PDE5A: variants seen among roughly 807,000 people sequenced by gnomAD.
The protein encoded by PDE5A is phosphodiesterase 5A.
In PDE5A, 67 loss-of-function variants were observed where a neutral mutation model predicts 110.2. The ratio of observed to expected loss-of-function variants is 0.61; its 90% CI spans 0.50 to 0.75. PDE5A has a LOEUF of 0.75. PDE5A is among the 30% of genes least tolerant of loss of function. The pLI, the probability that PDE5A is intolerant of heterozygous loss-of-function variation, is 0.00. For synonymous variants in PDE5A, 328 were observed against 351.2 expected, an observed-to-expected ratio of 0.93 and a Z score of 0.74; for missense variants, 862 against 1,045.1, an observed-to-expected ratio of 0.82 and a Z score of 2.42.
chr4:119,608,421 T>C (rs532034531), intron 1 of PDE5A, among the ~76,000 whole-genome samples: 1 of 152,310 alleles, frequency 6.6e-6, no homozygotes, highest in African/African-American at 2.4e-5. Flanking sequence ...CGCTGTAGTC[T>C]TACACCAGTT....
Position 119,542,640 on chromosome 4 carries a change from ACAAT to A in PDE5A, c.1397-10_1397-7del. 1 of 1,609,580 alleles carries A rather than the reference ACAAT, an allele frequency of 6.2e-7. No homozygotes were observed. The highest frequency in any genetic ancestry group is 8.5e-7 in the Non-Finnish European group (1 of 1,176,458). ...ATTAACAAGTTGGCAAACCCCTATA[ACAAT>A]CCGAGAAATTGAGCAAATGTTATTG... is the stretch of plus-strand genomic sequence containing the variant. On this transcript the variant is annotated splice_region_variant and splice_polypyrimidine_tract_variant and intron_variant, in intron 9 of 20. Transcript: ENST00000354960.
At chr4:119,515,780 A>G (rs1725890036) in intron 14 of PDE5A, among the ~76,000 whole-genome samples, 1 of 151,952 alleles carries the variant, frequency 6.6e-6, no homozygotes, top group African/African-American at 2.4e-5. Flanking sequence ...GTGATTTTTC[A>G]GCTTATACTT....
At chr4:119,532,907 G>A (rs776363454) in intron 11 of PDE5A, among the ~76,000 whole-genome samples, 6 of 152,064 alleles carry the variant, frequency 3.9e-5, no homozygotes, top group Non-Finnish European at 8.8e-5. Context: ...GGTCTGAAGC[G>A]TGAAATCTTA....
chr4:119,557,213 GC>G (rs1423801022), intron 7 of PDE5A, among the ~76,000 whole-genome samples: 1 of 152,142 alleles, frequency 6.6e-6, no homozygotes, highest in African/African-American at 2.4e-5. Flanking sequence ...CAGCAGCCTT[GC>G]CAAACCTTCC....
At chr4:119,499,187 C>CATT (rs1467471735) in intron 20 of PDE5A, among the ~76,000 whole-genome samples, 1 of 152,064 alleles carries the variant, frequency 6.6e-6, no homozygotes, top group Non-Finnish European at 1.5e-5. Flanking sequence ...TTTGGTGTGG[C>CATT]ATTATTATGT....
Position 119,532,270 on chromosome 4 carries a change from C to T in PDE5A, c.1633-6575G>A, listed in dbSNP as rs1560604511. ...TAAATGACAGCTATTATTATTATCA[C>T]CAAGAACTAACAGCCTGAAGGGAAA... On this transcript the variant is annotated intron_variant, in intron 11 of 20. Coordinates refer to ENST00000354960, the MANE Select transcript of PDE5A (RefSeq NM_001083.4). Among the ~76,000 whole-genome samples, 4 of 151,912 alleles carry T rather than the reference C, an allele frequency of 2.6e-5. No individual in the cohort carries two copies. The South Asian group carries it at 8.3e-4, about 32-fold the overall frequency.
chr4:119,574,928 C>G (rs918798773), intron 3 of PDE5A, among the ~76,000 whole-genome samples: 12 of 152,102 alleles, frequency 7.9e-5, no homozygotes, highest in African/African-American at 2.9e-4. Flanking sequence ...CAAAACTCAT[C>G]AAATTGTTCA....
At chr4:119,589,226 C>T (rs1024128116) in intron 3 of PDE5A, among the ~76,000 whole-genome samples, 3 of 151,658 alleles carry the variant, frequency 2.0e-5, no homozygotes, top group Non-Finnish European at 4.4e-5. Context: ...TGCTTTCTAC[C>T]CCTTATCCTC....
chr4:119,596,382 A>T (rs1250994715), intron 3 of PDE5A, 141 bp downstream of exon 3: 51 of 458,652 alleles, frequency 1.1e-4, no homozygotes, highest in Non-Finnish European at 1.1e-5. Flanking sequence ...AATAGAAAAA[A>T]AATCAAGCAG....
chr4:119,596,279 G>T (rs1385759246), intron 3 of PDE5A, among the ~76,000 whole-genome samples: 1 of 151,834 alleles, frequency 6.6e-6, no homozygotes, highest in African/African-American at 2.4e-5. Context: ...TCAGGAAGAG[G>T]GGAGGTAGAA....
At chr4:119,602,602 T>C (rs956184083) in intron 2 of PDE5A, among the ~76,000 whole-genome samples, 7 of 152,226 alleles carry the variant, frequency 4.6e-5, no homozygotes, top group Admixed American at 3.3e-4. Context: ...GAGATTTGTC[T>C]AAATTACAAC....
chr4:119,565,470 T>A, intron 4 of PDE5A, 60 bp from the exon 5 acceptor site: 2 of 1,054,512 alleles, frequency 1.9e-6, no homozygotes, highest in African/African-American at 3.2e-5. Flanking sequence ...TTACATTGCC[T>A]GAAATACAGA....
At chr4:119,578,284 T>C (rs534594677) in intron 3 of PDE5A, among the ~76,000 whole-genome samples, 1 of 152,260 alleles carries the variant, frequency 6.6e-6, no homozygotes, top group South Asian at 2.1e-4. Context: ...ACAGATTCAA[T>C]GCCATCCCCA....
At chr4:119,554,138 C>A (rs890308291) in intron 7 of PDE5A, among the ~76,000 whole-genome samples, 4 of 152,018 alleles carry the variant, frequency 2.6e-5, no homozygotes, top group African/African-American at 9.6e-5. Flanking sequence ...TCTATCCATT[C>A]CAATAAAACA....
Position 119,513,792 on chromosome 4 carries a change from A to G in PDE5A, c.2001-2658T>C, listed in dbSNP as rs115801317. On this transcript the variant is annotated intron_variant, in intron 14 of 20. Transcript: ENST00000354960. ...ATTAGGTGGTTATTTAACACAAACA[A>G]GTTAGAACTTCAAACACACATTACA... 5.8e-3 allele frequency among the ~76,000 whole-genome samples: 880 copies of G among 152,324 alleles called. 8 individuals carry two copies. Among genetic ancestry groups the G allele is most frequent in the African/African-American group, 0.02 (838 of 41,578 alleles).
chr4:119,610,815 G>C (rs1729714814), intron 1 of PDE5A, among the ~76,000 whole-genome samples: 1 of 151,834 alleles, frequency 6.6e-6, no homozygotes, highest in Non-Finnish European at 1.5e-5. Context: ...TACCACCCTG[G>C]TCCAAACCCC....
intron 13 of PDE5A, 118 bp downstream of exon 13, chr4:119,520,816 TG>T (rs3832309): frequency 0.28 from 226,009 of 819,930 alleles, 32,080 homozygotes; most frequent in East Asian, 0.34. Context: ...ATTATGTAAG[TG>T]GCAGCAAATA....
At position 119,501,238 on chromosome 4, in the gene PDE5A, C is replaced by T; in HGVS notation, c.2422G>A (p.Glu808Lys). 3 of 1,606,458 alleles carry T rather than the reference C, an allele frequency of 1.9e-6. No individual in the cohort carries two copies. Among genetic ancestry groups the T allele is most frequent in the Non-Finnish European group, 2.6e-6 (3 of 1,173,314 alleles). ...NIEPTDLMNREKKNKIPSMQV... is the reference protein window; with the variant it reads ...NIEPTDLMNRKKKNKIPSMQV... ...ATACTTGGGATTTTGTTTTTCTTCTCCCTGTTCATTAGATCCTGAAAATAC... is the reference window on the plus strand; with the variant it reads ...ATACTTGGGATTTTGTTTTTCTTCTTCCTGTTCATTAGATCCTGAAAATAC... The change falls in exon 20 of 21, where the codon GAG becomes AAG. Residue 808 changes from glutamate (E) to lysine (K), a missense_variant. By Grantham distance (56) the Glu-to-Lys change is moderately conservative (BLOSUM62 1). Transcript: ENST00000354960.
intron 19 of PDE5A, among the ~76,000 whole-genome samples, chr4:119,502,047 CTG>C (rs932707889): frequency 3.3e-5 from 5 of 152,082 alleles, no homozygotes; most frequent in South Asian, 4.2e-4. Context: ...ACTGGGGAGA[CTG>C]TGGTGGTGGC....
Sources: gnomAD v4.1 joint callset for allele counts (sites outside exome capture counted in the v4.1 genomes callset) on GRCh38, gnomAD v4.1.1 for gene constraint, MANE v1.5 for transcripts, NCBI Gene and HGNC (gene_info 2026-07-23, HGNC 2026-07-21) for gene names.